The following GCA variants were observed in gnomAD, a reference collection of about 807,000 sequenced individuals.
The protein encoded by GCA is grancalcin, EF-hand calcium-binding protein.
A neutral mutation model predicts 32.6 loss-of-function variants in GCA; 30 were observed. The observed-to-expected ratio is 0.92, with a 90% confidence interval of 0.69 to 1.25. The LOEUF (loss-of-function observed/expected upper bound fraction) is 1.25, where lower values mean the gene tolerates loss of function less well. Among genes scored for constraint, GCA ranks in the 50% most tolerant of loss-of-function variants. GCA has a pLI of 0.00. For missense variants in GCA, 291 were observed against 266.8 expected, an observed-to-expected ratio of 1.09 and a Z score of -0.63; for synonymous variants, 102 against 84.6, an observed-to-expected ratio of 1.21 and a Z score of -1.13.
rs753694497 is a variant in GCA at position 162,356,923 on chromosome 2, C to G, written c.454+18C>G. 6.5e-7 allele frequency: 1 copy of G among 1,546,340 alleles called. No individual in the cohort carries two copies. Among genetic ancestry groups the G allele is most frequent in the South Asian group, 1.1e-5 (1 of 87,880 alleles). On this transcript the variant is annotated intron_variant, in intron 5 of 7. Coordinates refer to ENST00000437150, the MANE Select transcript of GCA (RefSeq NM_012198.5). ...TCTTATGGGTAAGAACATTAACATTCTTTAGAATCTATAAAGCTAATCTTT... is the reference window on the plus strand; with the variant it reads ...TCTTATGGGTAAGAACATTAACATTGTTTAGAATCTATAAAGCTAATCTTT...
chr2:162,343,609 A>G (rs977907982), upstream of GCA, among the ~76,000 whole-genome samples: 6 of 152,202 alleles, frequency 3.9e-5, no homozygotes, highest in African/African-American at 1.4e-4. Flanking sequence ...TGTGGCCTCA[A>G]GTGGGTTTTG....
Position 162,360,667 on chromosome 2 carries a change from T to C in GCA, c.*424T>C, listed in dbSNP as rs949515685. The C allele has an allele frequency of 1.5e-6, 2 of 1,310,244 alleles. No homozygotes were observed. The highest frequency in any genetic ancestry group is 1.9e-6 in the Non-Finnish European group (2 of 1,029,362). The allele number at this position is 1,310,244 out of a possible 1,614,324, so 81.2% of individuals were successfully genotyped here. On this transcript the variant is annotated 3_prime_UTR_variant, in exon 8 of 8. Transcript: ENST00000437150. ...TAAATTTTCTTTGTAGTTGGTGGTG[T>C]TTGAGGGTTGGCTAGAAATGAAAGC...
rs954521405 is a variant in GCA at position 162,360,400 on chromosome 2, G to T, written c.*157G>T. 1 of 1,283,912 alleles carries T rather than the reference G, an allele frequency of 7.8e-7. No individual in the cohort carries two copies. Among genetic ancestry groups the T allele is most frequent in the African/African-American group, 1.6e-5 (1 of 64,172 alleles). The allele number at this position is 1,283,912 out of a possible 1,614,324, so 79.5% of individuals were successfully genotyped here. The stretch of plus-strand genomic sequence containing the variant: ...TTTTTATTTTAGCAGATAGTTCAAA[G>T]CAATAAAAGATTTCTTTTTTAATTT... On this transcript the variant is annotated 3_prime_UTR_variant, in exon 8 of 8. Transcript: ENST00000437150.
upstream of GCA, among the ~76,000 whole-genome samples, chr2:162,343,137 A>AT (rs1161276077): frequency 2.6e-5 from 4 of 152,290 alleles, 1 homozygote; most frequent in South Asian, 2.1e-4. Flanking sequence ...AATAGTTAAC[A>AT]TTTTTTTGAT....
intron 1 of GCA, among the ~76,000 whole-genome samples, chr2:162,328,944 C>A (rs758841066): frequency 3.3e-5 from 5 of 152,238 alleles, no homozygotes; most frequent in Non-Finnish European, 7.4e-5. Context: ...ACTATCCCAG[C>A]CAAACTCCGC....
intron 1 of GCA, chr2:162,319,483 G>C (rs980333900): frequency 2.3e-5 from 5 of 220,462 alleles, no homozygotes; most frequent in Middle Eastern, 1.8e-3. Flanking sequence ...TGATATAGCT[G>C]CCATTCTTTT....
chr2:162,318,816 A>T (rs76132012), upstream of GCA: 7,593 of 178,538 alleles, frequency 0.043, 640 homozygotes, highest in African/African-American at 0.17. Context: ...CCTTTGGTTA[A>T]GGACACCGCG....
At chr2:162,374,211 T>A (rs1289456022), downstream of GCA, among the ~76,000 whole-genome samples, 1 of 152,226 alleles carries the variant, frequency 6.6e-6, no homozygotes, top group Non-Finnish European at 1.5e-5. Context: ...CTGTTAAATG[T>A]TAAATTCTTT....
chr2:162,326,741 C>T (rs563089323), intron 1 of GCA, among the ~76,000 whole-genome samples: 67 of 152,330 alleles, frequency 4.4e-4, no homozygotes, highest in Non-Finnish European at 7.8e-4. Flanking sequence ...TGGTCTCAAA[C>T]TCCTGACCTC....
chr2:162,358,550 G>A (rs1192868516), intron 5 of GCA, among the ~76,000 whole-genome samples: 3 of 151,222 alleles, frequency 2.0e-5, no homozygotes, highest in African/African-American at 7.3e-5. Flanking sequence ...GGACAAAAAA[G>A]AATGTTTTTC....
downstream of GCA, chr2:162,373,730 A>T (rs990546816): frequency 5.3e-6 from 6 of 1,141,594 alleles, no homozygotes; most frequent in Non-Finnish European, 7.0e-6. Context: ...CATTTAAAAA[A>T]ATTTCAGCAC....
At chr2:162,366,458 C>T (rs1251563532), downstream of GCA, among the ~76,000 whole-genome samples, 4 of 151,846 alleles carry the variant, frequency 2.6e-5, no homozygotes, top group South Asian at 2.1e-4. Flanking sequence ...ATAAGCCTCA[C>T]GGTAATTTCC....
intron 1 of GCA, among the ~76,000 whole-genome samples, chr2:162,335,791 T>C (rs1684250708): frequency 1.3e-5 from 2 of 152,238 alleles, no homozygotes; most frequent in African/African-American, 4.8e-5. Flanking sequence ...TGTCATACTG[T>C]CAACAAATGA....
At chr2:162,373,437 A>T (rs758444461), downstream of GCA, 2 of 1,420,096 alleles carry the variant, frequency 1.4e-6, no homozygotes, top group South Asian at 3.2e-5. Context: ...ACACTGTGAG[A>T]GACACTCTTG....
At chr2:162,353,138 T>C (rs1019328813) in intron 3 of GCA, among the ~76,000 whole-genome samples, 1 of 152,056 alleles carries the variant, frequency 6.6e-6, no homozygotes, top group African/African-American at 2.4e-5. Context: ...CATTATCTTA[T>C]TTTAGTGAAA....
At chr2:162,337,127 C>G (rs574741823) in intron 1 of GCA, among the ~76,000 whole-genome samples, 126 of 152,298 alleles carry the variant, frequency 8.3e-4, no homozygotes, top group African/African-American at 2.6e-3. Context: ...GGAGCCTAAC[C>G]TCTGTGGACT....
intron 1 of GCA, among the ~76,000 whole-genome samples, chr2:162,323,260 T>G (rs1254212078): frequency 1.3e-5 from 2 of 151,296 alleles, no homozygotes; most frequent in African/African-American, 4.9e-5. Context: ...GGGTTGTTTG[T>G]TTTTTTCTTG....
upstream of GCA, among the ~76,000 whole-genome samples, chr2:162,341,505 GC>G (rs1411932454): frequency 6.6e-6 from 1 of 151,786 alleles, no homozygotes; most frequent in Non-Finnish European, 1.5e-5. Flanking sequence ...TAAGACCAAT[GC>G]CACCAAGATT....
intron 1 of GCA, among the ~76,000 whole-genome samples, chr2:162,321,059 CT>C (rs1300522090): frequency 6.6e-6 from 1 of 152,116 alleles, no homozygotes; most frequent in African/African-American, 2.4e-5. Flanking sequence ...GAAGGGACTT[CT>C]TTTTTAGGAA....
Sources: allele counts gnomAD v4.1 joint callset (sites outside exome capture counted in the v4.1 genomes callset), GRCh38; gene constraint gnomAD v4.1.1; transcripts MANE v1.5; gene names NCBI Gene and HGNC (gene_info 2026-07-23, HGNC 2026-07-21).